The following KLHL29 variants were observed in gnomAD, a reference collection of about 807,000 sequenced individuals.
The protein encoded by KLHL29 is kelch-like protein 29.
In KLHL29, 21 loss-of-function variants were observed where a neutral mutation model predicts 80.4. The observed-to-expected ratio is 0.26, with a 90% CI of 0.19 to 0.38. The LOEUF (loss-of-function observed/expected upper bound fraction) is 0.38, where lower values mean the gene tolerates loss of function less well. KLHL29 is among the 10% of genes least tolerant of loss of function. The pLI, the probability that KLHL29 is intolerant of heterozygous loss-of-function variation, is 1.00. For missense variants in KLHL29, 867 were observed against 1,223.9 expected (o/e 0.71, Z 4.35); for synonymous variants, 511 against 526.8 (o/e 0.97, Z 0.41).
intron 2 of KLHL29, among the ~76,000 whole-genome samples, chr2:23,512,890 G>A (rs562212000): frequency 5.9e-5 from 9 of 152,220 alleles, no homozygotes; most frequent in South Asian, 4.1e-4. Context: ...ACAACGTGTC[G>A]TACTTCTCTG....
At chr2:23,673,433 C>G (rs921737567) in intron 5 of KLHL29, among the ~76,000 whole-genome samples, 1 of 147,296 alleles carries the variant, frequency 6.8e-6, no homozygotes, top group Non-Finnish European at 1.5e-5. Flanking sequence ...TACACACCCC[C>G]ACACCACATG....
intron 3 of KLHL29, among the ~76,000 whole-genome samples, chr2:23,634,170 C>T (rs938784255): frequency 6.6e-6 from 1 of 152,084 alleles, no homozygotes; most frequent in Non-Finnish European, 1.5e-5. Flanking sequence ...CTCAGTGATG[C>T]TTGGCAGAAG....
intron 3 of KLHL29, among the ~76,000 whole-genome samples, chr2:23,569,518 A>AT (rs372147668): frequency 1.5e-4 from 23 of 151,902 alleles, no homozygotes; most frequent in African/African-American, 3.6e-4. Flanking sequence ...CAATTAAACA[A>AT]TTTTTTTTTC....
In KLHL29 at chr2:23,622,644, TCA is replaced by T. The variant is rs561847298; in HGVS notation, c.286-16494_286-16493del. 8.7e-4 allele frequency among the ~76,000 whole-genome samples: 133 copies of T among 152,168 alleles called. 1 individual carries two copies. Among genetic ancestry groups the T allele is most frequent in the Non-Finnish European group, 1.5e-3 (100 of 68,032 alleles). ...GCAGGGCTTCCCCTGCCTGGAATGC[TCA>T]GTCTTTCCTTCACAGCCCAGCCTAA... On this transcript the variant is annotated intron_variant, in intron 3 of 13. Transcript: ENST00000486442.
At chr2:23,585,835 A>G (rs1668104083) in intron 3 of KLHL29, among the ~76,000 whole-genome samples, 1 of 152,240 alleles carries the variant, frequency 6.6e-6, no homozygotes, top group Non-Finnish European at 1.5e-5. Flanking sequence ...AAGCAATAGC[A>G]GACTCTGCTC....
chr2:23,550,212 G>A (rs1358868956), intron 2 of KLHL29, among the ~76,000 whole-genome samples: 1 of 152,168 alleles, frequency 6.6e-6, no homozygotes, highest in African/African-American at 2.4e-5. Context: ...ATGATTTGAT[G>A]AGAAAAGGGC....
intron 2 of KLHL29, among the ~76,000 whole-genome samples, chr2:23,543,096 C>T (rs890547343): frequency 5.3e-5 from 8 of 152,208 alleles, no homozygotes; most frequent in African/African-American, 1.9e-4. Flanking sequence ...AACCAAGCCT[C>T]CTTGTGCAGT....
intron 2 of KLHL29, among the ~76,000 whole-genome samples, chr2:23,539,432 C>CTTT (rs869075602): frequency 1.9e-4 from 5 of 25,746 alleles, no homozygotes; most frequent in Non-Finnish European, 3.3e-4. Flanking sequence ...ATCCTGCCTC[C>CTTT]TTTTTTTTTT....
At chr2:23,448,741 C>T (rs1309578987) in intron 1 of KLHL29, among the ~76,000 whole-genome samples, 1 of 152,178 alleles carries the variant, frequency 6.6e-6, no homozygotes, top group East Asian at 1.9e-4. Context: ...TTTTGCTGCA[C>T]CTGCAATCTG....
Position 23,422,391 on chromosome 2 carries a change from T to G in KLHL29, c.-154+36611T>G, listed in dbSNP as rs565886199. 1.5e-4 allele frequency among the ~76,000 whole-genome samples: 23 copies of G among 151,578 alleles called. 1 individual carries two copies. The Middle Eastern group carries it at 0.02, about 134-fold the overall frequency. On this transcript the variant is annotated intron_variant, in intron 1 of 13. Coordinates refer to ENST00000486442, the MANE Select transcript of KLHL29 (RefSeq NM_052920.2). ...TGTGTGTCTGTGTGTGTCTCTGTATTTTCATATGCCTATGTGTCTGTGTTG... is the reference window on the plus strand; with the variant it reads ...TGTGTGTCTGTGTGTGTCTCTGTATGTTCATATGCCTATGTGTCTGTGTTG...
At position 23,577,181 on chromosome 2, in the gene KLHL29, C is replaced by G. The variant is rs563595282; in HGVS notation, c.285+14700C>G. ...AAAGACCAGTAGGAGCCAGTGCAGT[C>G]GCTCACGCCTATAATCCCAGCACTT... is the stretch of plus-strand genomic sequence containing the variant. On this transcript the variant is annotated intron_variant, in intron 3 of 13. Coordinates refer to ENST00000486442, the MANE Select transcript of KLHL29 (RefSeq NM_052920.2). Among the ~76,000 whole-genome samples the G allele has an allele frequency of 4.6e-5, 7 of 152,304 alleles. No homozygotes were observed. In the South Asian group the frequency reaches 1.5e-3, roughly 32 times the overall value.
At chr2:23,449,058 G>A (rs947208775) in intron 1 of KLHL29, among the ~76,000 whole-genome samples, 2 of 152,166 alleles carry the variant, frequency 1.3e-5, no homozygotes, top group Admixed American at 6.5e-5. Flanking sequence ...AGGAAGTGGT[G>A]GATCCAGGAT....
At chr2:23,705,385 A>G (rs182563885) in intron 13 of KLHL29, among the ~76,000 whole-genome samples, 2 of 152,166 alleles carry the variant, frequency 1.3e-5, no homozygotes, top group African/African-American at 4.8e-5. Context: ...CAGCTAACTC[A>G]GGAGGCTGAG....
At chr2:23,676,962 T>G (rs1167001747) in intron 5 of KLHL29, among the ~76,000 whole-genome samples, 1 of 152,132 alleles carries the variant, frequency 6.6e-6, no homozygotes, top group East Asian at 1.9e-4. Context: ...TGTGACTAGA[T>G]CTAGGTCTCC....
intron 1 of KLHL29, among the ~76,000 whole-genome samples, chr2:23,420,557 A>G (rs1316411629): frequency 6.6e-6 from 1 of 152,064 alleles, no homozygotes; most frequent in African/African-American, 2.4e-5. Context: ...CACCTTTCTT[A>G]GTTTTCTTCC....
chr2:23,417,953 T>C (rs1662637334), intron 1 of KLHL29, among the ~76,000 whole-genome samples: 1 of 152,164 alleles, frequency 6.6e-6, no homozygotes, highest in Non-Finnish European at 1.5e-5. Context: ...TCCTGTCATA[T>C]TCTGTCCATC....
chr2:23,692,128 G>A (rs574144897), intron 7 of KLHL29, among the ~76,000 whole-genome samples: 3 of 152,230 alleles, frequency 2.0e-5, no homozygotes, highest in Non-Finnish European at 4.4e-5. Flanking sequence ...ACTGTGCCCC[G>A]CCAGGCCTTG....
chr2:23,446,491 C>T (rs1250277165), intron 1 of KLHL29, among the ~76,000 whole-genome samples: 1 of 152,188 alleles, frequency 6.6e-6, no homozygotes, highest in East Asian at 1.9e-4. Flanking sequence ...TAGCCTGCAG[C>T]GTGGAGTGGC....
chr2:23,533,286 G>T (rs960939891), intron 2 of KLHL29, among the ~76,000 whole-genome samples: 11 of 152,164 alleles, frequency 7.2e-5, no homozygotes, highest in African/African-American at 2.7e-4. Context: ...CCTAGGGCAT[G>T]GGTTTGATGC....
Sources: allele counts gnomAD v4.1 joint callset (sites outside exome capture counted in the v4.1 genomes callset), GRCh38; gene constraint gnomAD v4.1.1; transcripts MANE v1.5; gene names NCBI Gene and HGNC (gene_info 2026-07-23, HGNC 2026-07-21).